Variants in MRPL33 observed in about 807,000 individuals in gnomAD.
MRPL33 encodes the protein mitochondrial ribosomal protein L33.
MRPL33 carries 5 observed loss-of-function variants against 10.1 expected under a neutral mutation model. The ratio of observed to expected loss-of-function variants is 0.49; its 90% CI spans 0.26 to 1.04. The LOEUF (loss-of-function observed/expected upper bound fraction) is 1.04. MRPL33 is among the 50% of genes least tolerant of loss of function. MRPL33 has a pLI of 0.14. For synonymous variants in MRPL33, 24 were observed against 27.7 expected, an observed-to-expected ratio of 0.87 and a Z score of 0.42; for missense variants, 79 against 78.1, an observed-to-expected ratio of 1.01 and a Z score of -0.04.
chr2:27,775,350 A>ATTTTTT (rs67199907), intron 3 of MRPL33, among the ~76,000 whole-genome samples: 5 of 123,052 alleles, frequency 4.1e-5, no homozygotes, highest in East Asian at 2.3e-4. Context: ...TTTATAATTA[A>ATTTTTT]TTTTTTTTTT....
intron 3 of MRPL33, among the ~76,000 whole-genome samples, chr2:27,778,682 G>A (rs112656387): frequency 0.02 from 3,117 of 152,124 alleles, 132 homozygotes; most frequent in African/African-American, 0.07. Context: ...AGCCTCCCGC[G>A]TAGCTGGGAT....
Position 27,772,698 on chromosome 2 carries a change from TAAAG to T in MRPL33, c.41+8_41+11del, listed in dbSNP as rs1440376195. On this transcript the variant is annotated splice_region_variant and intron_variant, in intron 2 of 3. Transcript: ENST00000296102. ...GTTGCCAAGAGCAAGTCAAAGTAAGTAAAGATTTTTCCTTTTTTAAACGTCACTT... is the reference window on the plus strand; with the variant it reads ...GTTGCCAAGAGCAAGTCAAAGTAAGTATTTTTCCTTTTTTAAACGTCACTT... 1 of 1,599,870 alleles carries T rather than the reference TAAAG, an allele frequency of 6.3e-7. No homozygotes were observed. Among genetic ancestry groups the T allele is most frequent in the Non-Finnish European group, 8.5e-7 (1 of 1,170,090 alleles).
At chr2:27,776,181 A>G (rs538146170) in intron 3 of MRPL33, among the ~76,000 whole-genome samples, 1 of 152,388 alleles carries the variant, frequency 6.6e-6, no homozygotes, top group East Asian at 1.9e-4. Context: ...TATAAATTTC[A>G]AACAGACGCT....
chr2:27,771,919 AC>A, intron 1 of MRPL33, 120 bp downstream of exon 1: 1 of 1,076,108 alleles, frequency 9.3e-7, no homozygotes, highest in Non-Finnish European at 1.3e-6. Context: ...GCAGCTGCGT[AC>A]TTTTCCAGGC....
Position 27,774,542 on chromosome 2 carries a change from G to A in MRPL33, c.148+12G>A. The A allele has an allele frequency of 6.2e-7, 1 of 1,607,810 alleles. No individual in the cohort carries two copies. The highest frequency in any genetic ancestry group is 1.3e-5 in the African/African-American group (1 of 74,900). On this transcript the variant is annotated intron_variant, in intron 3 of 3. Coordinates refer to ENST00000296102, the MANE Select transcript of MRPL33 (RefSeq NM_004891.4). ...TTATGATCCAGTTGGTAAGATCTGG[G>A]GAGGTTAATGCTTCCAAGGCCTGTT...
chr2:27,774,399 A>T, intron 2 of MRPL33, 25 bp from the exon 3 acceptor site: 2 of 1,592,726 alleles, frequency 1.3e-6, no homozygotes, highest in Non-Finnish European at 1.7e-6. Flanking sequence ...CAGCTCGTAC[A>T]TAACAGCGTA....
At chr2:27,774,342 T>C (rs1319945782) in intron 2 of MRPL33, 82 bp from the exon 3 acceptor site, 4 of 1,094,960 alleles carry the variant, frequency 3.7e-6, no homozygotes, top group South Asian at 1.3e-5. Context: ...CCCTACAGAG[T>C]TCTCAAAATG....
intron 3 of MRPL33, among the ~76,000 whole-genome samples, chr2:27,775,478 A>G (rs1311339564): frequency 6.6e-6 from 1 of 151,478 alleles, no homozygotes; most frequent in Non-Finnish European, 1.5e-5. Flanking sequence ...CAGCCTCCCA[A>G]GTAGCTGGGA....
At chr2:27,771,822 G>A in intron 1 of MRPL33, 23 bp downstream of exon 1, 1 of 1,612,338 alleles carries the variant, frequency 6.2e-7, no homozygotes. Context: ...GGAGACGCCG[G>A]TAGGGGTTAC....
At chr2:27,778,446 T>TGTGTGTGG (rs929399395) in intron 3 of MRPL33, among the ~76,000 whole-genome samples, 10 of 151,992 alleles carry the variant, frequency 6.6e-5, no homozygotes, top group African/African-American at 9.7e-5. Context: ...GGGGTGTGTG[T>TGTGTGTGG]GTGTGTGGGT....
chr2:27,776,962 C>T (rs1032863609), intron 3 of MRPL33, among the ~76,000 whole-genome samples: 1 of 152,220 alleles, frequency 6.6e-6, no homozygotes, highest in African/African-American at 2.4e-5. Context: ...GAGAAATTTT[C>T]CCAGGGATTC....
chr2:27,771,825 G>A, intron 1 of MRPL33, 26 bp downstream of exon 1: 1 of 1,611,052 alleles, frequency 6.2e-7, no homozygotes, highest in Non-Finnish European at 8.5e-7. Flanking sequence ...GACGCCGGTA[G>A]GGGTTACGGC....
At chr2:27,774,564 T>A in intron 3 of MRPL33, 34 bp downstream of exon 3, 4 of 1,549,880 alleles carry the variant, frequency 2.6e-6, no homozygotes, top group Non-Finnish European at 1.8e-6. Context: ...TTCCAAGGCC[T>A]GTTGCCCCCT....
At chr2:27,773,245 A>G (rs1677087038) in intron 2 of MRPL33, among the ~76,000 whole-genome samples, 1 of 152,254 alleles carries the variant, frequency 6.6e-6, no homozygotes, top group Admixed American at 6.5e-5. Flanking sequence ...AGACAATAAC[A>G]GAAGATTTTG....
chr2:27,778,216 GACTT>G (rs1421690555), intron 3 of MRPL33, among the ~76,000 whole-genome samples: 2 of 152,158 alleles, frequency 1.3e-5, no homozygotes, highest in Non-Finnish European at 2.9e-5. Context: ...GGTGAGAATG[GACTT>G]ACTTAGATAA....
At chr2:27,775,401 G>A (rs1456076362) in intron 3 of MRPL33, among the ~76,000 whole-genome samples, 4 of 145,164 alleles carry the variant, frequency 2.8e-5, no homozygotes, top group African/African-American at 7.6e-5. Flanking sequence ...GCCCAGGCTG[G>A]AGTGCAGTGG....
intron 2 of MRPL33, 66 bp downstream of exon 2, chr2:27,772,758 C>A (rs1677078050): frequency 8.0e-7 from 1 of 1,248,956 alleles, no homozygotes. Context: ...TCTAGCTGCT[C>A]CCAGTACATC....
At chr2:27,772,429 A>G in intron 1 of MRPL33, 1 of 438,066 alleles carries the variant, frequency 2.3e-6, no homozygotes, top group Non-Finnish European at 4.0e-6. Flanking sequence ...TCCAACAGTC[A>G]TGAAATTATG....
In MRPL33 at chr2:27,779,439, A is replaced by G; in HGVS notation, c.155A>G (p.Gln52Arg). Reference sequence around the variant, plus strand: ...TTTTTTTCTCCCTCCATAGTGAAACAAAGAGTCCTCTTCGTGGAAAAGAAA... The same window carrying G: ...TTTTTTTCTCCCTCCATAGTGAAACGAAGAGTCCTCTTCGTGGAAAAGAAA... ...TLLHYDPVVK[Q>R]RVLFVEKKKI... The change falls in exon 4 of 4, where the codon CAA becomes CGA. Residue 52 changes from glutamine (Q) to arginine (R), a missense_variant. Physicochemically the swap from Gln to Arg is conservative, Grantham distance 43 (BLOSUM62 1). Transcript: ENST00000296102. 4 of 1,603,502 alleles carry G rather than the reference A, an allele frequency of 2.5e-6. No individual in the cohort carries two copies. Among genetic ancestry groups the G allele is most frequent in the Non-Finnish European group, 3.4e-6 (4 of 1,177,354 alleles).
Sources: gnomAD v4.1 joint callset for allele counts (sites outside exome capture counted in the v4.1 genomes callset) on GRCh38, gnomAD v4.1.1 for gene constraint, MANE v1.5 for transcripts, NCBI Gene and HGNC (gene_info 2026-07-23, HGNC 2026-07-21) for gene names.